USP45: variants seen among roughly 807,000 people sequenced by gnomAD.
USP45 encodes ubiquitin carboxyl-terminal hydrolase 45.
Under a neutral mutation model 95.8 loss-of-function variants are expected in USP45, and 89 were observed. The observed-to-expected ratio is 0.93, with a 90% CI of 0.78 to 1.11. The LOEUF is 1.11. Ranked by LOEUF, USP45 falls within the 50% of genes least tolerant of loss-of-function variation. USP45 has a pLI of 0.00. For synonymous variants in USP45, 281 were observed against 316.2 expected (o/e 0.89, Z 1.18); for missense variants, 898 against 942.5 (o/e 0.95, Z 0.62).
intron 16 of USP45, among the ~76,000 whole-genome samples, chr6:99,438,223 G>GT (rs1780872382): frequency 6.6e-6 from 1 of 152,058 alleles, no homozygotes; most frequent in Non-Finnish European, 1.5e-5. Context: ...ATCTCTAAAT[G>GT]GTGCTATGGA....
At chr6:99,441,520 G>A (rs537855230) in intron 15 of USP45, among the ~76,000 whole-genome samples, 4 of 149,276 alleles carry the variant, frequency 2.7e-5, no homozygotes, top group African/African-American at 9.8e-5. Context: ...CGACAAAAGC[G>A]AAACTCCATC....
At chr6:99,461,835 A>T in intron 13 of USP45, 1 of 982,908 alleles carries the variant, frequency 1.0e-6, no homozygotes, top group Non-Finnish European at 1.2e-6. Context: ...ATATCTTTAT[A>T]CTCTTATTAA....
At chr6:99,459,200 A>G (rs1398632364) in intron 13 of USP45, among the ~76,000 whole-genome samples, 1 of 152,026 alleles carries the variant, frequency 6.6e-6, no homozygotes, top group East Asian at 1.9e-4. Flanking sequence ...AGTGTACTCA[A>G]TGTTTAGCTC....
chr6:99,467,960 G>T, intron 10 of USP45: 1 of 228,910 alleles, frequency 4.4e-6, no homozygotes, highest in South Asian at 5.5e-5. Context: ...ATACATTTAG[G>T]GCAAGGTATA....
chr6:99,515,337 G>C (rs1800959126), intron 1 of USP45, 55 bp downstream of exon 1: 2 of 152,210 alleles, frequency 1.3e-5, no homozygotes. Flanking sequence ...CGAAGACCGA[G>C]AAACTGCGGC....
chr6:99,446,465 T>G lies in USP45; in HGVS notation c.1309-2A>C, dbSNP rs1461287683. 1 of 1,604,510 alleles carries G rather than the reference T, an allele frequency of 6.2e-7. No individual in the cohort carries two copies. Among genetic ancestry groups the G allele is most frequent in the Non-Finnish European group, 8.5e-7 (1 of 1,176,846 alleles). On this transcript the variant is annotated splice_acceptor_variant, in intron 13 of 17. Coordinates refer to ENST00000500704, the MANE Select transcript of USP45 (RefSeq NM_001346022.3). LOFTEE classifies it high-confidence loss of function. ...TTTTCGGTCATGAATTAGTTGACTC[T>G]GTAAGTTGACAGTGTTTTCAAAGAA...
In USP45 at chr6:99,515,419, A is replaced by T. The variant is rs1236622833; in HGVS notation, c.-38T>A. Reference sequence around the variant, plus strand: ...CGCCGGGCCGGGCCGCAGCGTCTACAACCTGGGGAGACTGCGCCTGCGCGC... The same window carrying T: ...CGCCGGGCCGGGCCGCAGCGTCTACTACCTGGGGAGACTGCGCCTGCGCGC... On this transcript the variant is annotated 5_prime_UTR_variant, in exon 1 of 18. Transcript: ENST00000500704. 6.6e-6 allele frequency: 1 copy of T among 152,272 alleles called. No homozygotes were observed. Among genetic ancestry groups the T allele is most frequent in the Non-Finnish European group, 1.5e-5 (1 of 68,080 alleles). 9.4% of individuals were successfully genotyped at this position (152,272 alleles called of 1,614,324 possible).
intron 15 of USP45, among the ~76,000 whole-genome samples, chr6:99,442,206 A>T (rs927741666): frequency 4.6e-5 from 7 of 152,260 alleles, no homozygotes; most frequent in Non-Finnish European, 8.8e-5. Context: ...ACTGCGGTGC[A>T]TCATGAAATT....
intron 5 of USP45, among the ~76,000 whole-genome samples, chr6:99,498,660 G>C (rs539183915): frequency 2.4e-4 from 37 of 152,264 alleles, no homozygotes; most frequent in Admixed American, 5.9e-4. Context: ...CTTCTTTCAA[G>C]GGTACTTAAG....
At chr6:99,445,659 T>C (rs1240989642) in intron 14 of USP45, 138 bp downstream of exon 14, 10 of 672,594 alleles carry the variant, frequency 1.5e-5, no homozygotes, top group Admixed American at 6.8e-5. Context: ...AGCGCTCAGG[T>C]ACAAATATGA....
At chr6:99,450,970 G>C (rs1048350334) in intron 13 of USP45, among the ~76,000 whole-genome samples, 1 of 152,182 alleles carries the variant, frequency 6.6e-6, no homozygotes, top group African/African-American at 2.4e-5. Context: ...AAAGGCCTTT[G>C]ACAAAATTCA....
chr6:99,488,270 G>GT lies in USP45; in HGVS notation c.643dup (p.Thr215AsnfsTer2). The stretch of plus-strand genomic sequence containing the variant: ...TTCTTTGATCTCATTCATCAGATCA[G>GT]TAAGAGTATAAGTCTGTGCCAAGTT... On this transcript the variant is annotated frameshift_variant, in exon 7 of 18. Transcript: ENST00000500704. LOFTEE classifies it high-confidence loss of function. The GT allele has an allele frequency of 6.2e-7, 1 of 1,611,254 alleles. No homozygotes were observed. Among genetic ancestry groups the GT allele is most frequent in the Non-Finnish European group, 8.5e-7 (1 of 1,178,944 alleles).
Position 99,482,887 on chromosome 6 carries a change from T to A in USP45, c.715-4A>T. On this transcript the variant is annotated splice_region_variant and splice_polypyrimidine_tract_variant and intron_variant, in intron 7 of 17. Coordinates refer to ENST00000500704, the MANE Select transcript of USP45 (RefSeq NM_001346022.3). ...AAAGTTCCACCACCAATGGGTCCTT[T>A]AAAAACATGATCAACTCTATGTCAG... 6.6e-7 allele frequency: 1 copy of A among 1,509,110 alleles called. No individual in the cohort carries two copies. The highest frequency in any genetic ancestry group is 8.8e-7 in the Non-Finnish European group (1 of 1,131,434). 93.5% of individuals were successfully genotyped at this position (1,509,110 alleles called of 1,614,324 possible). A position where few individuals can be genotyped will look rare whatever the true frequency, so the allele number is the denominator to read the frequency against.
chr6:99,475,045 C>T lies in USP45; in HGVS notation c.933+1098G>A, dbSNP rs1420680476. ...TCTCTCCTAGCCACAAACAACTGAT[C>T]CATGAGTGGAATTTAATCCAACATG... On this transcript the variant is annotated intron_variant, in intron 9 of 17. Transcript: ENST00000500704. 2.0e-5 allele frequency among the ~76,000 whole-genome samples: 3 copies of T among 152,152 alleles called. No homozygotes were observed. The East Asian group carries it at 5.8e-4, about 29-fold the overall frequency.
chr6:99,450,920 C>A (rs1783708418), intron 13 of USP45, among the ~76,000 whole-genome samples: 1 of 152,060 alleles, frequency 6.6e-6, no homozygotes, highest in Admixed American at 6.6e-5. Context: ...ATAAACAGAA[C>A]CAAAGACAAA....
chr6:99,461,460 T>G, intron 13 of USP45: 2 of 985,432 alleles, frequency 2.0e-6, no homozygotes, highest in Non-Finnish European at 2.4e-6. Flanking sequence ...CTATTTTTTC[T>G]GTATTTAGGC....
At chr6:99,479,356 T>G (rs1387110896) in intron 8 of USP45, among the ~76,000 whole-genome samples, 3 of 151,822 alleles carry the variant, frequency 2.0e-5, no homozygotes, top group Non-Finnish European at 2.9e-5. Context: ...ACTACAGGTG[T>G]GCACCATCAC....
rs375214806 is a variant in USP45 at position 99,510,208 on chromosome 6, C to G, written c.13G>C (p.Asp5His). ...TTCTCAGGTAAAGCTTTAGTTGGAT[C>G]TTTCACCCGCATCTGTTATTTACTG... MRVK[D>H]PTKALPEKAK... is the part of the protein sequence containing the mutation. The change falls in exon 2 of 18, where the codon GAT becomes CAT. Residue 5 changes from aspartate (D) to histidine (H), a missense_variant. Transcript: ENST00000500704. 2 of 1,613,514 alleles carry G rather than the reference C, an allele frequency of 1.2e-6. No homozygotes were observed. Among genetic ancestry groups the G allele is most frequent in the Admixed American group, 1.7e-5 (1 of 60,012 alleles).
At chr6:99,496,683 T>C (rs1012033702) in intron 5 of USP45, among the ~76,000 whole-genome samples, 2 of 152,116 alleles carry the variant, frequency 1.3e-5, no homozygotes, top group Non-Finnish European at 2.9e-5. Context: ...TAAATATTTG[T>C]AGAACACTTC....
Sources: allele counts gnomAD v4.1 joint callset (sites outside exome capture counted in the v4.1 genomes callset), GRCh38; gene constraint gnomAD v4.1.1; transcripts MANE v1.5; gene names NCBI Gene and HGNC (gene_info 2026-07-23, HGNC 2026-07-21).